Variants in PARD3 observed in about 807,000 individuals in gnomAD.
PARD3 encodes par-3 family cell polarity regulator.
A neutral mutation model predicts 155.4 loss-of-function variants in PARD3; 75 were observed. The observed-to-expected ratio is 0.48, with a 90% CI of 0.40 to 0.58. The LOEUF (loss-of-function observed/expected upper bound fraction) is 0.58, where lower values mean the gene tolerates loss of function less well. PARD3 is among the 20% of genes least tolerant of loss of function. PARD3 has a pLI of 0.00. For synonymous variants in PARD3, 576 were observed against 610.5 expected (o/e 0.94, Z 0.83); for missense variants, 1,642 against 1,721.7 (o/e 0.95, Z 0.82).
intron 17 of PARD3, 45 bp downstream of exon 17, chr10:34,337,230 C>A: frequency 3.3e-6 from 4 of 1,224,082 alleles, no homozygotes; most frequent in Non-Finnish European, 4.5e-6. Flanking sequence ...ATCCTGAAAG[C>A]ATTTAAAACT....
At chr10:34,660,682 T>C (rs966449933) in intron 2 of PARD3, among the ~76,000 whole-genome samples, 1 of 152,094 alleles carries the variant, frequency 6.6e-6, no homozygotes, top group Non-Finnish European at 1.5e-5. Context: ...TGGACAATTC[T>C]CAGGGTTAGA....
chr10:34,334,383 T>C (rs1835936145), intron 18 of PARD3, among the ~76,000 whole-genome samples: 2 of 151,226 alleles, frequency 1.3e-5, no homozygotes, highest in South Asian at 4.1e-4. Context: ...AGGATGTCTT[T>C]TGCAAGGGGC....
At chr10:34,127,057 A>G (rs1194297937) in intron 23 of PARD3, among the ~76,000 whole-genome samples, 3 of 152,248 alleles carry the variant, frequency 2.0e-5, no homozygotes, top group Middle Eastern at 3.4e-3. Context: ...ATTTTCCCTA[A>G]CATGATTGTT....
chr10:34,472,715 A>G (rs2078434931), intron 3 of PARD3, among the ~76,000 whole-genome samples: 1 of 152,180 alleles, frequency 6.6e-6, no homozygotes, highest in Non-Finnish European at 1.5e-5. Context: ...TAGCACAAAC[A>G]TAGGACCAAA....
chr10:34,652,644 G>T (rs1386335269), intron 2 of PARD3, among the ~76,000 whole-genome samples: 1 of 152,164 alleles, frequency 6.6e-6, no homozygotes, highest in Non-Finnish European at 1.5e-5. Context: ...GCTGTTTGGG[G>T]AATGGATCAC....
At chr10:34,705,050 A>C (rs1314112064) in intron 1 of PARD3, among the ~76,000 whole-genome samples, 1 of 152,188 alleles carries the variant, frequency 6.6e-6, no homozygotes, top group Non-Finnish European at 1.5e-5. Context: ...GCCAAAAACA[A>C]ACATTTTTAG....
chr10:34,323,425 T>C (rs1298293266), intron 19 of PARD3, among the ~76,000 whole-genome samples: 2 of 152,092 alleles, frequency 1.3e-5, no homozygotes, highest in Non-Finnish European at 2.9e-5. Context: ...TAATAACTGA[T>C]ATGATGAAGA....
chr10:34,629,077 T>C (rs887330498), intron 2 of PARD3, among the ~76,000 whole-genome samples: 11 of 152,198 alleles, frequency 7.2e-5, no homozygotes, highest in Admixed American at 5.2e-4. Flanking sequence ...CATCTAATAT[T>C]GCAGAGTTAT....
chr10:34,656,964 AAC>A (rs1194157773), intron 2 of PARD3, among the ~76,000 whole-genome samples: 1 of 152,224 alleles, frequency 6.6e-6, no homozygotes, highest in African/African-American at 2.4e-5. Context: ...ATAAACATTC[AAC>A]ACTGTGCCTA....
At chr10:34,131,041 CA>C (rs1947583507) in intron 23 of PARD3, among the ~76,000 whole-genome samples, 1 of 152,140 alleles carries the variant, frequency 6.6e-6, no homozygotes, top group Non-Finnish European at 1.5e-5. Context: ...GCCTGTGTGA[CA>C]AAGCGAGACC....
intron 1 of PARD3, among the ~76,000 whole-genome samples, chr10:34,734,194 A>G (rs1193821679): frequency 6.6e-6 from 1 of 152,130 alleles, no homozygotes; most frequent in Non-Finnish European, 1.5e-5. Flanking sequence ...TTACTCAACT[A>G]CTAAAAAGTA....
intron 2 of PARD3, among the ~76,000 whole-genome samples, chr10:34,597,840 G>A (rs1002503975): frequency 1.3e-5 from 2 of 152,118 alleles, no homozygotes; most frequent in East Asian, 1.9e-4. Context: ...GCAGGAGGGC[G>A]AACTGCACTT....
intron 1 of PARD3, among the ~76,000 whole-genome samples, chr10:34,774,908 C>T (rs1366290695): frequency 6.6e-6 from 1 of 152,210 alleles, no homozygotes; most frequent in Non-Finnish European, 1.5e-5. Context: ...ATTTCAGTGA[C>T]TCCTGGAAGT....
chr10:34,509,576 GA>G (rs1213258849), intron 3 of PARD3, among the ~76,000 whole-genome samples: 2 of 151,992 alleles, frequency 1.3e-5, no homozygotes, highest in African/African-American at 4.8e-5. Flanking sequence ...TAGGAACCAT[GA>G]AAATCAATTC....
chr10:34,132,942 T>C (rs537464388), intron 22 of PARD3, among the ~76,000 whole-genome samples: 4 of 151,784 alleles, frequency 2.6e-5, no homozygotes, highest in Admixed American at 2.0e-4. Context: ...TCAAGAGGAG[T>C]TTGGCTGGGG....
chr10:34,399,037 A>G lies in PARD3; in HGVS notation c.890+293T>C, dbSNP rs141397386. ...CAAATTCATCTGGAGTTCTGACTTG[A>G]AAGTCCATCATCAATTTACAGCAAA... is the stretch of plus-strand genomic sequence containing the variant. On this transcript the variant is annotated intron_variant, in intron 7 of 24. Coordinates refer to ENST00000374788, the MANE Select transcript of PARD3 (RefSeq NM_001184785.2). Among the ~76,000 whole-genome samples the G allele has an allele frequency of 2.9e-3, 438 of 152,320 alleles. 2 individuals are homozygous for G. Among genetic ancestry groups the G allele is most frequent in the African/African-American group, 0.01 (424 of 41,560 alleles).
chr10:34,343,217 C>T (rs1837024141), intron 15 of PARD3: 5 of 595,464 alleles, frequency 8.4e-6, no homozygotes, highest in Non-Finnish European at 1.1e-5. Context: ...CGAGGCATGT[C>T]ACAATATTAA....
chr10:34,214,369 T>G (rs1564488473), intron 22 of PARD3, among the ~76,000 whole-genome samples: 1 of 152,216 alleles, frequency 6.6e-6, no homozygotes, highest in Non-Finnish European at 1.5e-5. Context: ...AAAAATTTAA[T>G]AATTCTTCCT....
chr10:34,232,220 G>A (rs1006877410), intron 22 of PARD3, among the ~76,000 whole-genome samples: 1 of 152,028 alleles, frequency 6.6e-6, no homozygotes, highest in African/African-American at 2.4e-5. Context: ...GAGATATTTG[G>A]GGGACTGATA....
Sources: allele counts gnomAD v4.1 joint callset (sites outside exome capture counted in the v4.1 genomes callset), GRCh38; gene constraint gnomAD v4.1.1; transcripts MANE v1.5; gene names NCBI Gene and HGNC (gene_info 2026-07-23, HGNC 2026-07-21).